The following CHLSN variants were observed in gnomAD, a reference collection of about 807,000 sequenced individuals.
CHLSN encodes the protein cholesin, also known as protein cholesin.
the CHLSN span, chr7:1,028,475 G>A: frequency 1.0e-6 from 1 of 985,192 alleles, no homozygotes; most frequent in South Asian, 4.7e-5. Context: ...GGGAGAGCCG[G>A]GGCGGGGCCT....
At chr7:1,025,768 G>A in the CHLSN span, 8 of 152,340 alleles carry the variant, frequency 5.3e-5, no homozygotes, top group Admixed American at 1.3e-4. Context: ...ATTTCCCTGC[G>A]CTCTGGAAAC....
At chr7:1,053,108 G>T in the CHLSN span, among the ~76,000 whole-genome samples, 1 of 152,202 alleles carries the variant, frequency 6.6e-6, no homozygotes, top group African/African-American at 2.4e-5. Flanking sequence ...CCAGTTCCAG[G>T]ATGCCCTGCT....
the CHLSN span, chr7:1,057,831 C>T: frequency 1.3e-6 from 1 of 777,662 alleles, no homozygotes. Context: ...CGTGGCACTG[C>T]AGATCCCCTT....
At chr7:1,001,626 C>A in the CHLSN span, among the ~76,000 whole-genome samples, 2 of 90,030 alleles carry the variant, frequency 2.2e-5, no homozygotes, top group Non-Finnish European at 4.3e-5. Context: ...GGTGGGGAGT[C>A]CTGCGGGTGG....
the CHLSN span, among the ~76,000 whole-genome samples, chr7:999,087 G>T: frequency 6.6e-6 from 1 of 152,218 alleles, no homozygotes; most frequent in Admixed American, 6.5e-5. Flanking sequence ...TTGCGTGTGT[G>T]TGTGTGTGTA....
the CHLSN span, among the ~76,000 whole-genome samples, chr7:1,052,173 A>G: frequency 6.6e-6 from 1 of 152,202 alleles, no homozygotes; most frequent in Non-Finnish European, 1.5e-5. The surrounding 1 kb of genome is among the most constrained non-coding windows in gnomAD (Gnocchi z 4.2). Flanking sequence ...AGATGCTGTC[A>G]TTGTCCCTAA....
At chr7:1,053,828 A>G in the CHLSN span, among the ~76,000 whole-genome samples, 1 of 152,182 alleles carries the variant, frequency 6.6e-6, no homozygotes, top group Non-Finnish European at 1.5e-5. Flanking sequence ...CTCCATCTCA[A>G]AAAAACAAAA....
At chr7:985,297 G>GTCC in the CHLSN span, 2 of 1,551,392 alleles carry the variant, frequency 1.3e-6, no homozygotes, top group East Asian at 2.4e-5. Flanking sequence ...TGAGGTCATG[G>GTCC]TCCTCTTGGG....
At chr7:1,067,867 G>C in the CHLSN span, among the ~76,000 whole-genome samples, 3 of 145,570 alleles carry the variant, frequency 2.1e-5, no homozygotes, top group African/African-American at 7.7e-5. Flanking sequence ...CAGAGGTGAG[G>C]GTTTGGGGCA....
the CHLSN span, among the ~76,000 whole-genome samples, chr7:1,001,265 G>A: frequency 6.6e-6 from 1 of 152,202 alleles, no homozygotes; most frequent in Non-Finnish European, 1.5e-5. Context: ...GGCTCAGCAC[G>A]GGGGAGGGCC....
the CHLSN span, among the ~76,000 whole-genome samples, chr7:1,009,372 G>A: frequency 1.3e-5 from 2 of 152,160 alleles, no homozygotes; most frequent in African/African-American, 2.4e-5. Flanking sequence ...GCTGGTAAGC[G>A]CCGGGGAGGT....
the CHLSN span, among the ~76,000 whole-genome samples, chr7:1,083,744 C>T: frequency 3.3e-5 from 5 of 152,194 alleles, no homozygotes; most frequent in African/African-American, 9.6e-5. Context: ...ACACACCCAC[C>T]GTTAACTGGG....
chr7:1,032,999 C>T, the CHLSN span, among the ~76,000 whole-genome samples: 62 of 152,280 alleles, frequency 4.1e-4, no homozygotes, highest in South Asian at 7.0e-3. Context: ...ACTCGCGGTG[C>T]GGACCCAGGC....
the CHLSN span, among the ~76,000 whole-genome samples, chr7:1,044,213 C>A: frequency 6.6e-6 from 1 of 152,226 alleles, no homozygotes; most frequent in East Asian, 1.9e-4. Context: ...GGGCCTGCAC[C>A]CTGCAGATTA....
the CHLSN span, among the ~76,000 whole-genome samples, chr7:999,740 A>G: frequency 2.0e-5 from 3 of 152,302 alleles, no homozygotes; most frequent in East Asian, 3.9e-4. Flanking sequence ...CGCGCACGCA[A>G]AGCCTGGCCT....
the CHLSN span, among the ~76,000 whole-genome samples, chr7:1,077,209 G>A: frequency 6.6e-6 from 1 of 152,196 alleles, no homozygotes; most frequent in Non-Finnish European, 1.5e-5. Context: ...AGGCTGGAGT[G>A]CAGTGGTGCC....
the CHLSN span, chr7:1,028,761 C>T: frequency 5.8e-6 from 5 of 862,886 alleles, no homozygotes; most frequent in Non-Finnish European, 6.9e-6. Flanking sequence ...AGTCTGTCCC[C>T]ATCTCCCCTA....
chr7:1,016,470 TAGCAGCACAGCAGCACAC>T, the CHLSN span, among the ~76,000 whole-genome samples: 6 of 28,132 alleles, frequency 2.1e-4, no homozygotes, highest in Admixed American at 1.2e-3. Flanking sequence ...CGCCAGCACA[TAGCAGCACAGCAGCACAC>T]AGCAGCGCAC....
chr7:1,094,435 G>GT, the CHLSN span, among the ~76,000 whole-genome samples: 1 of 152,206 alleles, frequency 6.6e-6, no homozygotes, highest in African/African-American at 2.4e-5. Flanking sequence ...CTATGATACT[G>GT]TTTTTTATTT....
Sources: gnomAD v4.1 joint callset for allele counts (sites outside exome capture counted in the v4.1 genomes callset) on GRCh38, gnomAD v4.1.1 for gene constraint, Gnocchi (gnomAD v3.1) non-coding constraint, MANE v1.5 for transcripts, NCBI Gene and HGNC (gene_info 2026-07-23, HGNC 2026-07-21) for gene names.